HS3ST4: variants seen among roughly 807,000 people sequenced by gnomAD.
HS3ST4 encodes heparan sulfate glucosamine 3-O-sulfotransferase 4.
HS3ST4 carries 17 observed loss-of-function variants against 29.2 expected under a neutral mutation model. That is an observed-to-expected ratio of 0.58 (90% CI 0.40 to 0.87). The LOEUF is 0.87. HS3ST4 is among the 40% of genes least tolerant of loss of function. The pLI is 0.00. For synonymous variants in HS3ST4, 314 were observed against 285.7 expected (o/e 1.10, Z -1.00); for missense variants, 627 against 634.5 (o/e 0.99, Z 0.13).
At chr16:25,968,225 G>T (rs906008730) in intron 1 of HS3ST4, among the ~76,000 whole-genome samples, 15 of 152,196 alleles carry the variant, frequency 9.9e-5, no homozygotes, top group African/African-American at 3.1e-4. Context: ...TCTTCCTGAG[G>T]ATGAGTTGCA....
chr16:26,076,639 T>G (rs548485189), intron 1 of HS3ST4, among the ~76,000 whole-genome samples: 71 of 152,182 alleles, frequency 4.7e-4, no homozygotes, highest in Non-Finnish European at 8.8e-4. Flanking sequence ...AGCAGTTTCT[T>G]CATCTCTGAA....
intron 1 of HS3ST4, among the ~76,000 whole-genome samples, chr16:25,751,897 C>G (rs1224792586): frequency 6.6e-6 from 1 of 152,136 alleles, no homozygotes; most frequent in Non-Finnish European, 1.5e-5. Context: ...GAAAGGAGGT[C>G]CCTACGTTGT....
At chr16:25,803,994 G>A (rs1596575749) in intron 1 of HS3ST4, among the ~76,000 whole-genome samples, 1 of 151,904 alleles carries the variant, frequency 6.6e-6, no homozygotes, top group Non-Finnish European at 1.5e-5. Flanking sequence ...TAGCCTCTGG[G>A]TATAAATTCT....
At chr16:25,961,216 G>A (rs1968790006) in intron 1 of HS3ST4, among the ~76,000 whole-genome samples, 1 of 152,160 alleles carries the variant, frequency 6.6e-6, no homozygotes, top group Admixed American at 6.5e-5. Flanking sequence ...TGTATCCTGG[G>A]ATCTGCTGAA....
At chr16:25,896,651 A>G (rs565384669) in intron 1 of HS3ST4, among the ~76,000 whole-genome samples, 5 of 152,212 alleles carry the variant, frequency 3.3e-5, no homozygotes, top group Non-Finnish European at 7.3e-5. Flanking sequence ...GCACCTGCCC[A>G]AAGGACAATA....
At chr16:25,978,102 T>G (rs1057420670) in intron 1 of HS3ST4, among the ~76,000 whole-genome samples, 9 of 152,188 alleles carry the variant, frequency 5.9e-5, no homozygotes, top group African/African-American at 1.9e-4. Context: ...CAATGCTACC[T>G]TCAACGTTTT....
intron 1 of HS3ST4, among the ~76,000 whole-genome samples, chr16:26,006,851 T>C (rs72778342): frequency 0.11 from 17,242 of 152,296 alleles, 1,175 homozygotes; most frequent in South Asian, 0.17. Flanking sequence ...TGGAAGTCTT[T>C]CGTTAACTTT....
chr16:26,032,507 A>G (rs1969540635), intron 1 of HS3ST4: 4 of 1,318,772 alleles, frequency 3.0e-6, no homozygotes, highest in Non-Finnish European at 4.3e-6. Context: ...TACAGTCACC[A>G]GAAGTACACA....
rs559012224 is a variant in HS3ST4, at chr16:25,939,307, A to T, written c.735-196305A>T. Reference sequence around the variant, plus strand: ...CAACTTTTAAATGCTGACAGCATTTATTATTATTATTATTATTATTATCAT... The same window carrying T: ...CAACTTTTAAATGCTGACAGCATTTTTTATTATTATTATTATTATTATCAT... On this transcript the variant is annotated intron_variant, in intron 1 of 1. Coordinates refer to ENST00000331351, the MANE Select transcript of HS3ST4 (RefSeq NM_006040.3). 1.2e-4 allele frequency among the ~76,000 whole-genome samples: 10 copies of T among 86,622 alleles called. 1 individual carries two copies. The South Asian group carries it at 1.4e-3, about 12-fold the overall frequency. The allele number at this position is 86,622 out of a possible 152,430, so 56.8% of individuals were successfully genotyped here. A position where few individuals can be genotyped will look rare whatever the true frequency, so the allele number is the denominator to read the frequency against.
chr16:26,085,655 G>A (rs1435015184), intron 1 of HS3ST4, among the ~76,000 whole-genome samples: 1 of 152,072 alleles, frequency 6.6e-6, no homozygotes. Flanking sequence ...AGGATTTCTT[G>A]AGATCATGAC....
chr16:25,792,789 CTTG>C (rs1325536569), intron 1 of HS3ST4, among the ~76,000 whole-genome samples: 11 of 151,358 alleles, frequency 7.3e-5, no homozygotes, highest in Non-Finnish European at 1.5e-4. Flanking sequence ...TTTGATTTTC[CTTG>C]TTTTCTTATT....
chr16:25,909,670 G>T (rs138390842), intron 1 of HS3ST4, among the ~76,000 whole-genome samples: 2 of 152,160 alleles, frequency 1.3e-5, no homozygotes, highest in African/African-American at 2.4e-5. Context: ...GATCCAGCGG[G>T]TTTCTACTTG....
At chr16:25,984,555 C>G (rs1969042290) in intron 1 of HS3ST4, among the ~76,000 whole-genome samples, 1 of 152,174 alleles carries the variant, frequency 6.6e-6, no homozygotes, top group Non-Finnish European at 1.5e-5. Flanking sequence ...AAATCTCTCC[C>G]TAACTCTCCT....
At position 25,830,476 on chromosome 16, in the gene HS3ST4, A is replaced by T. The variant is rs57317966; in HGVS notation, c.734+137325A>T. On this transcript the variant is annotated intron_variant, in intron 1 of 1. Transcript: ENST00000331351. ...GGAGGCATCACCTGTTCTTCTCAGA[A>T]CCCCAGATTTAGAGCTCTGACCCCT... Among the ~76,000 whole-genome samples, 1,392 of 152,088 alleles carry T rather than the reference A, an allele frequency of 9.2e-3. 23 individuals carry two copies. The highest frequency in any genetic ancestry group is 0.032 in the African/African-American group (1,322 of 41,484).
intron 1 of HS3ST4, among the ~76,000 whole-genome samples, chr16:25,940,178 A>G (rs1217441327): frequency 6.7e-6 from 1 of 150,140 alleles, no homozygotes; most frequent in African/African-American, 2.5e-5. Flanking sequence ...AATGTCCTCA[A>G]TTGTGAGAAA....
chr16:25,805,200 G>GC (rs1966978090), intron 1 of HS3ST4, among the ~76,000 whole-genome samples: 1 of 152,172 alleles, frequency 6.6e-6, no homozygotes, highest in Non-Finnish European at 1.5e-5. Context: ...CACGGCTGTA[G>GC]CAAGCCACAG....
At chr16:25,897,228 G>A (rs892104960) in intron 1 of HS3ST4, among the ~76,000 whole-genome samples, 1 of 152,156 alleles carries the variant, frequency 6.6e-6, no homozygotes, top group African/African-American at 2.4e-5. Flanking sequence ...GCCAAGGCAG[G>A]AGCTCACTTG....
rs192046887 is a variant in HS3ST4 at position 25,730,481 on chromosome 16, T to A, written c.734+37330T>A. 1.7e-3 allele frequency among the ~76,000 whole-genome samples: 233 copies of A among 137,658 alleles called. 1 individual carries two copies. The Middle Eastern group carries it at 0.019, about 11-fold the overall frequency. The allele number at this position is 137,658 out of a possible 152,430, so 90.3% of individuals were successfully genotyped here. A position where few individuals can be genotyped will look rare whatever the true frequency, so the allele number is the denominator to read the frequency against. On this transcript the variant is annotated intron_variant, in intron 1 of 1. Coordinates refer to ENST00000331351, the MANE Select transcript of HS3ST4 (RefSeq NM_006040.3). ...CCTTCCTTCCTTCTCCTTCCTTCCT[T>A]CCTTCTTTCCTTCTCTTTTCCTTCC...
intron 1 of HS3ST4, among the ~76,000 whole-genome samples, chr16:25,721,273 G>A (rs1465491375): frequency 6.6e-6 from 1 of 152,144 alleles, no homozygotes; most frequent in African/African-American, 2.4e-5. Context: ...TATTACAGGT[G>A]GGGGTTTAGG....
Sources: allele counts gnomAD v4.1 joint callset (sites outside exome capture counted in the v4.1 genomes callset), GRCh38; gene constraint gnomAD v4.1.1; transcripts MANE v1.5; gene names NCBI Gene and HGNC (gene_info 2026-07-23, HGNC 2026-07-21).